Variants in FCHO2 observed in about 807,000 individuals in gnomAD.
The protein encoded by FCHO2 is FCH and mu domain containing endocytic adaptor 2.
Under a neutral mutation model 114.1 loss-of-function variants are expected in FCHO2, and 43 were observed. That is an observed-to-expected ratio of 0.38 (90% CI 0.30 to 0.49). The LOEUF is 0.49. Ranked by LOEUF, FCHO2 falls within the 20% of genes least tolerant of loss-of-function variation. The pLI, the probability that FCHO2 is intolerant of heterozygous loss-of-function variation, is 0.97. For synonymous variants in FCHO2, 293 were observed against 315.2 expected, an observed-to-expected ratio of 0.93 and a Z score of 0.75; for missense variants, 807 against 950.4, an observed-to-expected ratio of 0.85 and a Z score of 1.98.
At chr5:73,034,485 T>C (rs1580139114) in intron 8 of FCHO2, 172 bp from the exon 9 acceptor site, 1 of 490,000 alleles carries the variant, frequency 2.0e-6, no homozygotes, top group East Asian at 3.5e-5. Flanking sequence ...ATTTTTAAAA[T>C]TTATTGCTGA....
In FCHO2 at chr5:73,062,588, GAA is replaced by G. The variant is rs1561487366; in HGVS notation, c.1346-1249_1346-1248del. On this transcript the variant is annotated intron_variant, in intron 17 of 25. Transcript: ENST00000430046. ...AGCATGAAAGAACTGGTACTGACTG[GAA>G]AAAGACAGTGGCCTCAGAATCTAAG... Among the ~76,000 whole-genome samples, 5 of 152,138 alleles carry G rather than the reference GAA, an allele frequency of 3.3e-5. No individual in the cohort carries two copies. In the Middle Eastern group the frequency reaches 0.01, roughly 310 times the overall value.
intron 10 of FCHO2, among the ~76,000 whole-genome samples, chr5:73,038,618 T>G (rs1319165433): frequency 6.6e-6 from 1 of 152,200 alleles, no homozygotes; most frequent in Non-Finnish European, 1.5e-5. Flanking sequence ...TCTTGCTTTC[T>G]ACCTAGTTAT....
chr5:73,081,801 C>T lies in FCHO2; in HGVS notation c.1999C>T (p.Gln667Ter). ...LKYQVSSNGI[Q>*]STPLNLATYW... Reference sequence around the variant, plus strand: ...TTTAAAGGTATCATCAAATGGTATTCAGTCCACTCCTCTGAATCTTGCAAC... The same window carrying T: ...TTTAAAGGTATCATCAAATGGTATTTAGTCCACTCCTCTGAATCTTGCAAC... The change falls in exon 23 of 26, where the codon CAG becomes TAG. Residue 667 changes from glutamine (Q) to a stop codon, truncating the protein, a stop_gained. Coordinates refer to ENST00000430046, the MANE Select transcript of FCHO2 (RefSeq NM_138782.3). LOFTEE classifies it high-confidence loss of function. 6.4e-7 allele frequency: 1 copy of T among 1,554,142 alleles called. No homozygotes were observed. The highest frequency in any genetic ancestry group is 1.4e-5 in the African/African-American group (1 of 72,746).
intron 2 of FCHO2, among the ~76,000 whole-genome samples, chr5:72,975,322 CTGAT>C (rs1049747816): frequency 1.1e-3 from 168 of 152,142 alleles, no homozygotes; most frequent in African/African-American, 3.8e-3. Flanking sequence ...TATACATTAT[CTGAT>C]TGATTGATTG....
chr5:73,082,977 G>A (rs954862111), intron 24 of FCHO2, among the ~76,000 whole-genome samples, 152 bp downstream of exon 24: 7 of 151,652 alleles, frequency 4.6e-5, no homozygotes, highest in African/African-American at 7.3e-5. Flanking sequence ...GGGTTCAAGC[G>A]ATTCTCCTGC....
chr5:73,054,666 G>C (rs1757499489), intron 15 of FCHO2, 117 bp downstream of exon 15: 4 of 685,476 alleles, frequency 5.8e-6, no homozygotes, highest in Non-Finnish European at 9.6e-6. Context: ...GAGCCCTACT[G>C]CGTGGCTAGA....
At chr5:73,007,574 A>G (rs1754786999) in intron 6 of FCHO2, among the ~76,000 whole-genome samples, 1 of 152,156 alleles carries the variant, frequency 6.6e-6, no homozygotes, top group African/African-American at 2.4e-5. Context: ...ATGTCTTCCC[A>G]TTTGAAGTAG....
At chr5:72,971,159 A>T (rs1645944934) in intron 2 of FCHO2, among the ~76,000 whole-genome samples, 1 of 152,186 alleles carries the variant, frequency 6.6e-6, no homozygotes, top group South Asian at 2.1e-4. Context: ...CGCAATAAAC[A>T]TACATATGCA....
chr5:73,046,560 G>A (rs1757070299), intron 11 of FCHO2, among the ~76,000 whole-genome samples: 1 of 152,060 alleles, frequency 6.6e-6, no homozygotes, highest in African/African-American at 2.4e-5. Context: ...AGAACCTCTG[G>A]GAGACTAAAT....
At chr5:73,049,782 C>A (rs1757256078) in intron 11 of FCHO2, among the ~76,000 whole-genome samples, 2 of 152,148 alleles carry the variant, frequency 1.3e-5, no homozygotes, top group South Asian at 4.1e-4. Context: ...GTTTTTAATA[C>A]TCCCAGCTAG....
intron 21 of FCHO2, 72 bp from the exon 22 acceptor site, chr5:73,078,108 C>T: frequency 1.1e-5 from 13 of 1,224,848 alleles, no homozygotes; most frequent in Non-Finnish European, 1.4e-5. Context: ...TCCTGTGTCA[C>T]CAAATTACTA....
rs147621426 is a variant in FCHO2, at chr5:73,004,611, A to C, written c.496-1834A>C. On this transcript the variant is annotated intron_variant, in intron 5 of 25. Transcript: ENST00000430046. ...GACCCTATTCCAAGCATTTTGTATA[A>C]CTACATTACTACTACAGCTTTTTTT... Among the ~76,000 whole-genome samples, 232 of 152,002 alleles carry C rather than the reference A, an allele frequency of 1.5e-3. 1 individual carries two copies. Among genetic ancestry groups the C allele is most frequent in the Admixed American group, 2.7e-3 (41 of 15,264 alleles).
At chr5:73,037,285 T>C in intron 10 of FCHO2, 70 bp downstream of exon 10, 3 of 1,199,784 alleles carry the variant, frequency 2.5e-6, no homozygotes, top group Non-Finnish European at 3.4e-6. Flanking sequence ...CTTTTGAATT[T>C]GGAAAGAAAA....
intron 20 of FCHO2, among the ~76,000 whole-genome samples, chr5:73,075,091 A>G (rs1742849785): frequency 6.6e-6 from 1 of 152,178 alleles, no homozygotes; most frequent in Non-Finnish European, 1.5e-5. Flanking sequence ...TTACATGTGC[A>G]CTGAGGATAC....
intron 11 of FCHO2, among the ~76,000 whole-genome samples, chr5:73,047,208 G>A (rs1005459222): frequency 6.6e-6 from 1 of 152,000 alleles, no homozygotes; most frequent in Non-Finnish European, 1.5e-5. Context: ...ATCCATTTGA[G>A]CACAAATTAA....
At chr5:73,054,898 A>G (rs987540672) in intron 15 of FCHO2, among the ~76,000 whole-genome samples, 1 of 152,136 alleles carries the variant, frequency 6.6e-6, no homozygotes, top group Non-Finnish European at 1.5e-5. Context: ...ACCTATTTTT[A>G]AGTTGTGTCA....
intron 18 of FCHO2, 36 bp from the exon 19 acceptor site, chr5:73,068,614 T>C (rs1742479539): frequency 6.2e-7 from 1 of 1,603,478 alleles, no homozygotes; most frequent in Non-Finnish European, 8.5e-7. Context: ...AGAGGTATTG[T>C]TTTAGCATTT....
At position 72,963,913 on chromosome 5, in the gene FCHO2, T is replaced by G. The variant is rs866497758; in HGVS notation, c.34-4585T>G. On this transcript the variant is annotated intron_variant, in intron 1 of 25. Coordinates refer to ENST00000430046, the MANE Select transcript of FCHO2 (RefSeq NM_138782.3). ...TATGGGAACTTTCAGTTTTTTTTTT[T>G]TTTTTTTTTTTTTTTTGTTTATGAA... Among the ~76,000 whole-genome samples the G allele has an allele frequency of 1.2e-3, 174 of 144,328 alleles. 1 individual carries two copies. The highest frequency in any genetic ancestry group is 4.3e-3 in the African/African-American group (164 of 38,538). 94.7% of individuals were successfully genotyped at this position (144,328 alleles called of 152,430 possible).
chr5:73,082,299 A>G (rs1390805585), intron 23 of FCHO2, among the ~76,000 whole-genome samples: 2 of 135,312 alleles, frequency 1.5e-5, no homozygotes, highest in African/African-American at 5.4e-5. Context: ...CAAATATTTT[A>G]TGGATTAAAT....
Sources: allele counts gnomAD v4.1 joint callset (sites outside exome capture counted in the v4.1 genomes callset), GRCh38; gene constraint gnomAD v4.1.1; transcripts MANE v1.5; gene names NCBI Gene and HGNC (gene_info 2026-07-23, HGNC 2026-07-21).